Variants in C9orf85 observed in about 807,000 individuals in gnomAD.
The protein encoded by C9orf85 is uncharacterized protein C9orf85.
Under a neutral mutation model 14.9 loss-of-function variants are expected in C9orf85, and 16 were observed. The ratio of observed to expected loss-of-function variants is 1.08; its 90% CI spans 0.73 to 1.63. C9orf85 has a LOEUF of 1.63. Among genes scored for constraint, C9orf85 ranks in the 40% most tolerant of loss-of-function variants. The pLI is 0.00. For synonymous variants in C9orf85, 45 were observed against 56.8 expected (o/e 0.79, Z 0.93); for missense variants, 172 against 186.1 (o/e 0.92, Z 0.44).
At chr9:71,936,096 G>A (rs1025659467) in intron 1 of C9orf85, among the ~76,000 whole-genome samples, 1 of 152,010 alleles carries the variant, frequency 6.6e-6, no homozygotes, top group Non-Finnish European at 1.5e-5. Context: ...TAAAGATGAG[G>A]TTTGGGACAC....
At chr9:71,941,234 G>A (rs1412573213) in intron 1 of C9orf85, among the ~76,000 whole-genome samples, 1 of 152,210 alleles carries the variant, frequency 6.6e-6, no homozygotes, top group Non-Finnish European at 1.5e-5. Flanking sequence ...AAGATCATGA[G>A]TGGATGCCAA....
intron 1 of C9orf85, among the ~76,000 whole-genome samples, chr9:71,937,097 A>T (rs1202717390): frequency 6.6e-6 from 1 of 152,228 alleles, no homozygotes; most frequent in Admixed American, 6.5e-5. Flanking sequence ...TTATCAGCGC[A>T]GTGTTTGTTA....
At chr9:71,960,913 GTT>G (rs111315320) in intron 2 of C9orf85, among the ~76,000 whole-genome samples, 7 of 124,564 alleles carry the variant, frequency 5.6e-5, no homozygotes, top group African/African-American at 8.8e-5. Context: ...GTTCCAAATT[GTT>G]TTTTTTTTTT....
chr9:71,925,568 T>C (rs559789035), intron 1 of C9orf85, among the ~76,000 whole-genome samples: 2 of 152,302 alleles, frequency 1.3e-5, no homozygotes, highest in African/African-American at 2.4e-5. Context: ...TCTCTGAAGC[T>C]GGAGGAGACG....
downstream of C9orf85, among the ~76,000 whole-genome samples, chr9:71,974,488 C>G (rs908644195): frequency 5.3e-5 from 8 of 152,118 alleles, no homozygotes; most frequent in Non-Finnish European, 1.2e-4. Flanking sequence ...AGCGATCCAC[C>G]CACCTTGGCC....
At chr9:71,970,418 T>C (rs528670114) in intron 2 of C9orf85, among the ~76,000 whole-genome samples, 3 of 152,360 alleles carry the variant, frequency 2.0e-5, no homozygotes, top group African/African-American at 7.2e-5. Flanking sequence ...CTCACGATCC[T>C]TATAATAATA....
chr9:71,969,743 G>A (rs912295662), intron 2 of C9orf85, among the ~76,000 whole-genome samples: 1 of 151,994 alleles, frequency 6.6e-6, no homozygotes. Flanking sequence ...CTTTAGCTCC[G>A]TTTTGTAAAT....
At chr9:71,931,830 T>C (rs538826832) in intron 1 of C9orf85, among the ~76,000 whole-genome samples, 173 of 152,308 alleles carry the variant, frequency 1.1e-3, no homozygotes, top group African/African-American at 3.9e-3. Flanking sequence ...AACTTTCTTT[T>C]TCAGGAAAAG....
intron 1 of C9orf85, among the ~76,000 whole-genome samples, chr9:71,936,938 T>G (rs900329219): frequency 6.6e-6 from 1 of 151,970 alleles, no homozygotes; most frequent in East Asian, 1.9e-4. Flanking sequence ...TTCATTTTTT[T>G]TGTAGAAACG....
At chr9:71,952,396 G>A (rs994786811) in intron 2 of C9orf85, among the ~76,000 whole-genome samples, 18 of 151,648 alleles carry the variant, frequency 1.2e-4, no homozygotes, top group African/African-American at 4.1e-4. Context: ...ACGGAGTCTC[G>A]CTCTGTCGCC....
intron 2 of C9orf85, among the ~76,000 whole-genome samples, chr9:71,951,409 T>G (rs975439160): frequency 3.9e-5 from 6 of 152,206 alleles, no homozygotes; most frequent in African/African-American, 1.4e-4. Flanking sequence ...TACTCAAAGC[T>G]TTAGGTCTTT....
downstream of C9orf85, among the ~76,000 whole-genome samples, chr9:71,975,823 ACT>A (rs780818030): frequency 1.3e-5 from 2 of 152,184 alleles, no homozygotes; most frequent in African/African-American, 2.4e-5. Flanking sequence ...CAAGAGTGAA[ACT>A]CTGTCTCAAA....
At chr9:71,959,244 T>C (rs1477604528) in intron 2 of C9orf85, among the ~76,000 whole-genome samples, 1 of 152,006 alleles carries the variant, frequency 6.6e-6, no homozygotes, top group African/African-American at 2.4e-5. Context: ...TTCAAATGAT[T>C]CTCCTGCCTC....
At chr9:71,922,323 A>G (rs1485953390) in intron 1 of C9orf85, among the ~76,000 whole-genome samples, 2 of 151,818 alleles carry the variant, frequency 1.3e-5, no homozygotes, top group Non-Finnish European at 2.9e-5. Flanking sequence ...ACCCGATGCA[A>G]TTTTCCAACC....
At chr9:71,973,988 G>A (rs543822161), downstream of C9orf85, among the ~76,000 whole-genome samples, 66 of 151,362 alleles carry the variant, frequency 4.4e-4, no homozygotes, top group South Asian at 6.3e-4. Context: ...GTGCAATGGC[G>A]CAATCTCAGC....
chr9:71,967,866 G>C (rs775479585), intron 2 of C9orf85, among the ~76,000 whole-genome samples: 5 of 151,894 alleles, frequency 3.3e-5, no homozygotes, highest in Middle Eastern at 3.2e-3. Flanking sequence ...GAAATTAGCT[G>C]TAGTTTCTTT....
intron 1 of C9orf85, among the ~76,000 whole-genome samples, chr9:71,913,442 T>C (rs533043846): frequency 6.6e-6 from 1 of 152,216 alleles, no homozygotes; most frequent in Non-Finnish European, 1.5e-5. Context: ...ATGATAAATA[T>C]TGGTGAAGGG....
chr9:71,924,418 T>C (rs1827885774), intron 1 of C9orf85, among the ~76,000 whole-genome samples: 3 of 152,306 alleles, frequency 2.0e-5, no homozygotes, highest in African/African-American at 7.2e-5. Flanking sequence ...GCATTTTCTG[T>C]TTTGCTTTTG....
At chr9:71,982,326 G>T (rs1472593088) in intron 3 of C9orf85, among the ~76,000 whole-genome samples, 2 of 151,768 alleles carry the variant, frequency 1.3e-5, no homozygotes, top group African/African-American at 4.8e-5. Flanking sequence ...GGGCTATTAT[G>T]AATGATACTG....
Sources: gnomAD v4.1 joint callset for allele counts (sites outside exome capture counted in the v4.1 genomes callset) on GRCh38, gnomAD v4.1.1 for gene constraint, MANE v1.5 for transcripts, NCBI Gene and HGNC (gene_info 2026-07-23, HGNC 2026-07-21) for gene names.